The following PHF21B variants were observed in gnomAD, a reference collection of about 807,000 sequenced individuals.
The protein encoded by PHF21B is PHD finger protein 21B.
A neutral mutation model predicts 62.2 loss-of-function variants in PHF21B; 22 were observed. That is an observed-to-expected ratio of 0.35 (90% CI 0.25 to 0.51). The LOEUF (loss-of-function observed/expected upper bound fraction) is 0.51, where lower values mean the gene tolerates loss of function less well. Ranked by LOEUF, PHF21B falls within the 20% of genes least tolerant of loss-of-function variation. PHF21B has a pLI of 0.97. For synonymous variants in PHF21B, 341 were observed against 314.7 expected, an observed-to-expected ratio of 1.08 and a Z score of -0.88; for missense variants, 701 against 707.9, an observed-to-expected ratio of 0.99 and a Z score of 0.11.
chr22:44,932,053 G>C (rs777633657), intron 2 of PHF21B, among the ~76,000 whole-genome samples: 1 of 152,212 alleles, frequency 6.6e-6, no homozygotes. Context: ...TGAGGCCTTG[G>C]AGAGGGTGGG....
intron 5 of PHF21B, among the ~76,000 whole-genome samples, chr22:44,899,279 CTTATTCTT>C (rs1321008991): frequency 5.8e-5 from 8 of 137,236 alleles, no homozygotes; most frequent in Non-Finnish European, 1.1e-4. Context: ...CCCCTCTGTT[CTTATTCTT>C]TTTTTTTTTT....
At chr22:44,943,391 G>A (rs965262164) in intron 2 of PHF21B, among the ~76,000 whole-genome samples, 1 of 152,186 alleles carries the variant, frequency 6.6e-6, no homozygotes, top group Non-Finnish European at 1.5e-5. Context: ...ATTTTGTTTT[G>A]AGCAGAGCCC....
chr22:44,891,475 G>T, intron 7 of PHF21B, 115 bp from the exon 8 acceptor site: 1 of 1,262,762 alleles, frequency 7.9e-7, no homozygotes, highest in Non-Finnish European at 1.1e-6. Context: ...AGGGCTCCAG[G>T]CTCTGGCTGG....
intron 2 of PHF21B, among the ~76,000 whole-genome samples, chr22:44,937,363 C>T (rs546096110): frequency 2.3e-4 from 35 of 152,328 alleles, no homozygotes; most frequent in Admixed American, 7.8e-4. Context: ...GCCAGGCGGC[C>T]ACCAGGTGTG....
chr22:44,911,704 C>A (rs1482658670), intron 5 of PHF21B, among the ~76,000 whole-genome samples: 1 of 152,246 alleles, frequency 6.6e-6, no homozygotes, highest in Non-Finnish European at 1.5e-5. Context: ...GCTGCAGGGG[C>A]AGAGCCCTCA....
chr22:44,955,608 C>CT (rs1436250363), intron 2 of PHF21B, among the ~76,000 whole-genome samples: 3 of 152,196 alleles, frequency 2.0e-5, no homozygotes, highest in Admixed American at 6.5e-5. Context: ...GGAGATCCTC[C>CT]TTCTCCTGCT....
chr22:44,921,597 C>A (rs1226741541), intron 2 of PHF21B, among the ~76,000 whole-genome samples: 1 of 151,764 alleles, frequency 6.6e-6, no homozygotes, highest in Non-Finnish European at 1.5e-5. Context: ...AATCTCCTGA[C>A]CTCATGATCC....
chr22:44,980,276 G>A (rs573506553), intron 2 of PHF21B, among the ~76,000 whole-genome samples: 30 of 152,258 alleles, frequency 2.0e-4, no homozygotes, highest in African/African-American at 6.3e-4. Flanking sequence ...TGGACTCCTG[G>A]AGGACAGGTT....
intron 2 of PHF21B, chr22:45,003,534 G>C (rs2073258010): frequency 6.6e-6 from 1 of 152,388 alleles, no homozygotes; most frequent in African/African-American, 2.4e-5. Flanking sequence ...CTGGGGCAGA[G>C]GCCGAGCAGG....
At position 45,009,255 on chromosome 22, in the gene PHF21B, T is replaced by C; in HGVS notation, c.54+241A>G. 1 of 538,804 alleles carries C rather than the reference T, an allele frequency of 1.9e-6. No homozygotes were observed. The highest frequency in any genetic ancestry group is 3.2e-6 in the Non-Finnish European group (1 of 316,346). The allele number at this position is 538,804 out of a possible 1,614,324, so 33.4% of individuals were successfully genotyped here. A position where few individuals can be genotyped will look rare whatever the true frequency, so the allele number is the denominator to read the frequency against. ...GACCCTACATCGCTTAAGAGAAGACTCCAGGCTCGGGTCCCACGCGTCCTC... is the reference window on the plus strand; with the variant it reads ...GACCCTACATCGCTTAAGAGAAGACCCCAGGCTCGGGTCCCACGCGTCCTC... On this transcript the variant is annotated intron_variant, in intron 1 of 12. Transcript: ENST00000313237. This position sits in a 1 kb window ranked among gnomAD's most constrained non-coding sequence, Gnocchi z 5.9.
At chr22:44,977,695 C>T (rs2072763381) in intron 2 of PHF21B, among the ~76,000 whole-genome samples, 1 of 151,648 alleles carries the variant, frequency 6.6e-6, no homozygotes, top group African/African-American at 2.4e-5. Context: ...CTTCTCACCT[C>T]AGCCTCTAGA....
chr22:44,983,493 G>A (rs2147481809), intron 2 of PHF21B, among the ~76,000 whole-genome samples: 1 of 152,334 alleles, frequency 6.6e-6, no homozygotes, highest in East Asian at 1.9e-4. Flanking sequence ...AGACTGCAGG[G>A]AGGGGTCCCT....
At position 44,915,362 on chromosome 22, in the gene PHF21B, T is replaced by C. The variant is rs1051071191; in HGVS notation, c.564+918A>G. On this transcript the variant is annotated intron_variant, in intron 4 of 12. Coordinates refer to ENST00000313237, the MANE Select transcript of PHF21B (RefSeq NM_138415.5). The stretch of plus-strand genomic sequence containing the variant: ...ATGAGGCATCTATGTGCCTAGTAAA[T>C]GAACAAAACAGTGTTTAAATGACCA... Among the ~76,000 whole-genome samples the C allele has an allele frequency of 6.6e-5, 10 of 152,316 alleles. 2 individuals are homozygous for C.
chr22:44,892,834 GT>G (rs964684050), intron 7 of PHF21B, among the ~76,000 whole-genome samples: 2 of 152,184 alleles, frequency 1.3e-5, no homozygotes, highest in Admixed American at 6.5e-5. Flanking sequence ...TTATGATCTG[GT>G]TTCTCCCTGG....
At position 45,004,185 on chromosome 22, in the gene PHF21B, T is replaced by C. The variant is rs151018329; in HGVS notation, c.120+4360A>G. Among the ~76,000 whole-genome samples the C allele has an allele frequency of 1.9e-3, 288 of 152,324 alleles. 2 individuals are homozygous for C. Among genetic ancestry groups the C allele is most frequent in the African/African-American group, 6.7e-3 (280 of 41,568 alleles). Reference sequence around the variant, plus strand: ...TGAAGGCTGTACAGATCTGTCAATATGCTAAAAACCACTGAATGGTACACT... The same window carrying C: ...TGAAGGCTGTACAGATCTGTCAATACGCTAAAAACCACTGAATGGTACACT... On this transcript the variant is annotated intron_variant, in intron 2 of 12. Coordinates refer to ENST00000313237, the MANE Select transcript of PHF21B (RefSeq NM_138415.5).
In PHF21B at chr22:45,009,330, C is replaced by G. The variant is rs2073383458; in HGVS notation, c.54+166G>C. 5.6e-6 allele frequency: 4 copies of G among 713,022 alleles called. No individual in the cohort carries two copies. Among genetic ancestry groups the G allele is most frequent in the Non-Finnish European group, 8.8e-6 (4 of 453,056 alleles). The allele number at this position is 713,022 out of a possible 1,614,324, so 44.2% of individuals were successfully genotyped here. A position where few individuals can be genotyped will look rare whatever the true frequency, so the allele number is the denominator to read the frequency against. On this transcript the variant is annotated intron_variant, in intron 1 of 12. Coordinates refer to ENST00000313237, the MANE Select transcript of PHF21B (RefSeq NM_138415.5). This position sits in a 1 kb window ranked among gnomAD's most constrained non-coding sequence, Gnocchi z 5.9. ...CGCCAGGGGCAGGCGGAGGGGAGCCCAGAAGGGGGTCCGCGCGTGTGCTCA... is the reference window on the plus strand; with the variant it reads ...CGCCAGGGGCAGGCGGAGGGGAGCCGAGAAGGGGGTCCGCGCGTGTGCTCA...
intron 2 of PHF21B, among the ~76,000 whole-genome samples, chr22:44,991,032 G>A (rs1022171309): frequency 2.0e-5 from 3 of 152,192 alleles, no homozygotes; most frequent in Admixed American, 6.5e-5. Context: ...TCAAAGCCCC[G>A]CCCTGCCCAC....
At chr22:44,931,649 G>A (rs1409134093) in intron 2 of PHF21B, among the ~76,000 whole-genome samples, 3 of 150,884 alleles carry the variant, frequency 2.0e-5, no homozygotes, top group South Asian at 2.1e-4. Context: ...TTGGGGGGGG[G>A]GTGTCAAAAA....
intron 12 of PHF21B, among the ~76,000 whole-genome samples, chr22:44,883,896 A>C (rs2070781994): frequency 6.6e-6 from 1 of 152,144 alleles, no homozygotes; most frequent in African/African-American, 2.4e-5. Context: ...GAGACACTGC[A>C]TTTAAAGAGC....
Sources: allele counts gnomAD v4.1 joint callset (sites outside exome capture counted in the v4.1 genomes callset), GRCh38; gene constraint gnomAD v4.1.1; non-coding constraint Gnocchi (gnomAD v3.1); transcripts MANE v1.5; gene names NCBI Gene and HGNC (gene_info 2026-07-23, HGNC 2026-07-21).